Variants in MAP3K10 observed in about 807,000 individuals in gnomAD.
The protein encoded by MAP3K10 is mitogen-activated protein kinase kinase kinase 10, also known as MKN28 derived nonreceptor_type serine/threonine kinase.
A neutral mutation model predicts 75.0 loss-of-function variants in MAP3K10; 22 were observed. The observed-to-expected ratio is 0.29, with a 90% confidence interval of 0.21 to 0.42. MAP3K10 has a LOEUF of 0.42. MAP3K10 is among the 10% of genes least tolerant of loss of function. The pLI, the probability that MAP3K10 is intolerant of heterozygous loss-of-function variation, is 1.00. For missense variants in MAP3K10, 1,165 were observed against 1,379.8 expected, an observed-to-expected ratio of 0.84 and a Z score of 2.47; for synonymous variants, 599 against 612.9, an observed-to-expected ratio of 0.98 and a Z score of 0.34.
At position 40,191,886 on chromosome 19, in the gene MAP3K10, C is replaced by T. The variant is rs1167432137; in HGVS notation, c.-146C>T. 3 of 273,552 alleles carry T rather than the reference C, an allele frequency of 1.1e-5. No individual in the cohort carries two copies. The highest frequency in any genetic ancestry group is 7.2e-5 in the African/African-American group (3 of 41,734). 16.9% of individuals were successfully genotyped at this position (273,552 alleles called of 1,614,324 possible). On this transcript the variant is annotated 5_prime_UTR_variant, in exon 1 of 10. Transcript: ENST00000253055. ...CTTTGAAAGGGTTTTTTTTCTTGCTCCTGCGGAGGGCGCCCCAGCCATGGC... is the reference window on the plus strand; with the variant it reads ...CTTTGAAAGGGTTTTTTTTCTTGCTTCTGCGGAGGGCGCCCCAGCCATGGC...
rs1041535319 is a variant in MAP3K10, at chr19:40,198,182, G to A, written c.683-193G>A. Among the ~76,000 whole-genome samples the A allele has an allele frequency of 2.0e-5, 3 of 152,166 alleles. No homozygotes were observed. The highest frequency in any genetic ancestry group is 4.4e-5 in the Non-Finnish European group (3 of 68,038). Reference sequence around the variant, plus strand: ...GGAGGAGCTCCCTACTCCCTCATGGGAGCCTGGGACAGGGATTAGACCTGG... The same window carrying A: ...GGAGGAGCTCCCTACTCCCTCATGGAAGCCTGGGACAGGGATTAGACCTGG... On this transcript the variant is annotated intron_variant, in intron 1 of 9. Transcript: ENST00000253055. The surrounding 1 kb of genome is among the most constrained non-coding windows in gnomAD (Gnocchi z 4.3).
chr19:40,198,601 G>C lies in MAP3K10; in HGVS notation c.863+46G>C. 2 of 1,557,758 alleles carry C rather than the reference G, an allele frequency of 1.3e-6. No individual in the cohort carries two copies. Among genetic ancestry groups the C allele is most frequent in the Non-Finnish European group, 1.7e-6 (2 of 1,143,956 alleles). ...GATGGCCTCTGGGGAGTAAGGGAGG[G>C]AGGAAGGGGTGAGGGCAGAGTGGGA... On this transcript the variant is annotated intron_variant, in intron 2 of 9. Coordinates refer to ENST00000253055, the MANE Select transcript of MAP3K10 (RefSeq NM_002446.4). This position sits in a 1 kb window ranked among gnomAD's most constrained non-coding sequence, Gnocchi z 4.3.
Position 40,214,109 on chromosome 19 carries a change from C to T in MAP3K10, c.2430C>T (p.Leu810=), listed in dbSNP as rs755772789. Residue 810 remains leucine (L), a synonymous_variant, in exon 9 of 10, where the codon CTC becomes CTT. Coordinates refer to ENST00000253055, the MANE Select transcript of MAP3K10 (RefSeq NM_002446.4). ...ESFKKDPRQS[L]TPTHVTAACA... ...TCAAGAAGGACCCCCGCCAGTCGCT[C>T]ACGCCCACCCACGTCACGGCTGCAT... 13 of 1,565,710 alleles carry T rather than the reference C, an allele frequency of 8.3e-6. No homozygotes were observed. The highest frequency in any genetic ancestry group is 1.0e-5 in the Non-Finnish European group (12 of 1,164,384).
At position 40,192,418 on chromosome 19, in the gene MAP3K10, G is replaced by C; in HGVS notation, c.387G>C (p.Leu129=). Residue 129 remains leucine, a synonymous_variant, in exon 1 of 10, where the codon CTG becomes CTC. Transcript: ENST00000253055. The surrounding 1 kb of genome is among the most constrained non-coding windows in gnomAD (Gnocchi z 7.1). ...GEEVAVKAAR[L]DPEKDPAVTA... The stretch of plus-strand genomic sequence containing the variant: ...AGGTGGCAGTCAAGGCCGCCCGGCT[G>C]GACCCTGAGAAGGACCCGGCAGTGA... 5.6e-6 allele frequency: 9 copies of C among 1,614,022 alleles called. 1 individual carries two copies. Among genetic ancestry groups the C allele is most frequent in the Non-Finnish European group, 7.6e-6 (9 of 1,179,970 alleles).
chr19:40,197,971 G>A (rs1972941687), intron 1 of MAP3K10, among the ~76,000 whole-genome samples: 2 of 152,128 alleles, frequency 1.3e-5, no homozygotes, highest in South Asian at 2.1e-4. Context: ...GGCTGGGACT[G>A]TAGGCATGCA....
intron 1 of MAP3K10, among the ~76,000 whole-genome samples, chr19:40,196,525 A>T (rs893652173): frequency 9.2e-5 from 14 of 152,112 alleles, no homozygotes; most frequent in East Asian, 1.9e-4. Flanking sequence ...TTATTTATTT[A>T]TTTATTTCAT....
chr19:40,198,925 G>A lies in MAP3K10; in HGVS notation c.863+370G>A, dbSNP rs1246269871. Among the ~76,000 whole-genome samples the A allele has an allele frequency of 1.3e-5, 2 of 152,174 alleles. No homozygotes were observed. The highest frequency in any genetic ancestry group is 4.8e-5 in the African/African-American group (2 of 41,446). On this transcript the variant is annotated intron_variant, in intron 2 of 9. Transcript: ENST00000253055. This position sits in a 1 kb window ranked among gnomAD's most constrained non-coding sequence, Gnocchi z 4.3. ...TCTACTAAAAATACTAAAATTACCTGGGCGTGGTGGCAGATGCCTGTTGTC... is the reference window on the plus strand; with the variant it reads ...TCTACTAAAAATACTAAAATTACCTAGGCGTGGTGGCAGATGCCTGTTGTC...
chr19:40,215,115 G>A lies in MAP3K10; in HGVS notation c.2688G>A (p.Leu896=). Residue 896 remains leucine (L), a synonymous_variant, in exon 10 of 10, where the codon TTG becomes TTA. Coordinates refer to ENST00000253055, the MANE Select transcript of MAP3K10 (RefSeq NM_002446.4). Reference sequence around the variant, plus strand: ...GGCCGGCTGCCAGTCGCCCCCGCTTGGACCCCTGGAAACTGGTCTCCTTCG... The same window carrying A: ...GGCCGGCTGCCAGTCGCCCCCGCTTAGACCCCTGGAAACTGGTCTCCTTCG... The part of the protein sequence containing the change: ...RPRPAASRPR[L]DPWKLVSFGR... 2 of 1,610,406 alleles carry A rather than the reference G, an allele frequency of 1.2e-6. No homozygotes were observed. The highest frequency in any genetic ancestry group is 1.7e-6 in the Non-Finnish European group (2 of 1,178,958).
Position 40,213,358 on chromosome 19 carries a change from C to A in MAP3K10, c.1838-159C>A. On this transcript the variant is annotated intron_variant, in intron 8 of 9. Transcript: ENST00000253055. The surrounding 1 kb of genome is among the most constrained non-coding windows in gnomAD (Gnocchi z 5.7). ...GGGGGTCATTTCCAGGGGCAGGGAC[C>A]ACCCTTCTCTGAGGCTTCTCCTGGA... 1 of 1,456,620 alleles carries A rather than the reference C, an allele frequency of 6.9e-7. No individual in the cohort carries two copies. The highest frequency in any genetic ancestry group is 1.4e-5 in the South Asian group (1 of 70,408). The allele number at this position is 1,456,620 out of a possible 1,614,324, so 90.2% of individuals were successfully genotyped here.
In MAP3K10 at chr19:40,214,002, T is replaced by TGCCCCCCCCCCCCCCCCCC; in HGVS notation, c.2323_2324insGCCCCCCCCCCCCCCCCCC (p.Ser775CysfsTer83). On this transcript the variant is annotated frameshift_variant, in exon 9 of 10. Transcript: ENST00000253055. LOFTEE classifies it high-confidence loss of function. The stretch of plus-strand genomic sequence containing the variant: ...TGACGAGGCCGCACCGGCCGCGCCC[T>TGCCCCCCCCCCCCCCCCCC]CCCCACCACCCTCCCCGCCCGCGCC... 8.7e-6 allele frequency: 13 copies of TGCCCCCCCCCCCCCCCCCC among 1,493,662 alleles called. No individual in the cohort carries two copies. The highest frequency in any genetic ancestry group is 1.8e-4 in the Middle Eastern group (1 of 5,598). 92.5% of individuals were successfully genotyped at this position (1,493,662 alleles called of 1,614,324 possible).
rs1320425578 is a variant in MAP3K10 at position 40,205,488 on chromosome 19, T to G, written c.1188+192T>G. 1 of 602,712 alleles carries G rather than the reference T, an allele frequency of 1.7e-6. No individual in the cohort carries two copies. The highest frequency in any genetic ancestry group is 2.9e-6 in the Non-Finnish European group (1 of 343,760). 37.3% of individuals were successfully genotyped at this position (602,712 alleles called of 1,614,324 possible). ...AAGAAAAAGGCACCCTGTACTGAAG[T>G]ACTTACAGGTGACACTGCATGATGT... On this transcript the variant is annotated intron_variant, in intron 4 of 9. Coordinates refer to ENST00000253055, the MANE Select transcript of MAP3K10 (RefSeq NM_002446.4). This position sits in a 1 kb window ranked among gnomAD's most constrained non-coding sequence, Gnocchi z 4.3.
Position 40,205,633 on chromosome 19 carries a change from G to C in MAP3K10, c.1189-278G>C. 1.9e-6 allele frequency: 1 copy of C among 527,398 alleles called. No homozygotes were observed. Among genetic ancestry groups the C allele is most frequent in the Non-Finnish European group, 3.3e-6 (1 of 299,856 alleles). The allele number at this position is 527,398 out of a possible 1,614,324, so 32.7% of individuals were successfully genotyped here. The stretch of plus-strand genomic sequence containing the variant: ...TGAAATTGGATGATGGGTACAGGGG[G>C]GTGCACTGTTCTCTGCTTTTGTGGA... On this transcript the variant is annotated intron_variant, in intron 4 of 9. Transcript: ENST00000253055. This position sits in a 1 kb window ranked among gnomAD's most constrained non-coding sequence, Gnocchi z 4.3.
chr19:40,214,324 C>CACAAGAAGCAGGAGG, intron 9 of MAP3K10, 103 bp downstream of exon 9: 1 of 1,278,650 alleles, frequency 7.8e-7, no homozygotes, highest in African/African-American at 1.6e-5. Flanking sequence ...CAGCCACCTC[C>CACAAGAAGCAGGAGG]TGCTTCTTGT....
In MAP3K10 at chr19:40,192,706, C is replaced by G; in HGVS notation, c.675C>G (p.Ser225=). 6.5e-7 allele frequency: 1 copy of G among 1,540,268 alleles called. No individual in the cohort carries two copies. Among genetic ancestry groups the G allele is most frequent in the Non-Finnish European group, 8.8e-7 (1 of 1,142,426 alleles). The change falls in exon 1 of 10, where the codon TCC becomes TCG. Residue 225 remains serine (S), a synonymous_variant. Transcript: ENST00000253055. The surrounding 1 kb of genome is among the most constrained non-coding windows in gnomAD (Gnocchi z 7.1). The stretch of plus-strand genomic sequence containing the variant: ...CCATCATCCACCGGGACCTCAAGTC[C>G]ATCAACAGTAAGTGGTGTCCTCTCC... The part of the protein sequence containing the change: ...PVPIIHRDLK[S]INILILEAIE...
At position 40,192,856 on chromosome 19, in the gene MAP3K10, GT is replaced by G. The variant is rs1972845127; in HGVS notation, c.682+144del. 7 of 691,970 alleles carry G rather than the reference GT, an allele frequency of 1.0e-5. 1 individual carries two copies. In the South Asian group the frequency reaches 1.6e-4, roughly 16 times the overall value. The allele number at this position is 691,970 out of a possible 1,614,324, so 42.9% of individuals were successfully genotyped here. A position where few individuals can be genotyped will look rare whatever the true frequency, so the allele number is the denominator to read the frequency against. ...GCAGTATGATACCTTCAGGGTGAAG[GT>G]GAGGTAGGCCTTGCCTGCCTTAAGG... On this transcript the variant is annotated intron_variant, in intron 1 of 9. Coordinates refer to ENST00000253055, the MANE Select transcript of MAP3K10 (RefSeq NM_002446.4). This position sits in a 1 kb window ranked among gnomAD's most constrained non-coding sequence, Gnocchi z 7.1.
intron 2 of MAP3K10, among the ~76,000 whole-genome samples, chr19:40,202,305 G>A (rs1210498962): frequency 6.6e-6 from 1 of 152,204 alleles, no homozygotes; most frequent in South Asian, 2.1e-4. Flanking sequence ...CTCCCAAAGT[G>A]CTGGGATTAC....
intron 2 of MAP3K10, among the ~76,000 whole-genome samples, chr19:40,203,385 A>T (rs1973060303): frequency 6.6e-6 from 1 of 151,976 alleles, no homozygotes; most frequent in Non-Finnish European, 1.5e-5. Flanking sequence ...TAGTGGGGAG[A>T]CCAGGGATCT....
At chr19:40,210,866 C>T (rs1479228672) in intron 6 of MAP3K10, among the ~76,000 whole-genome samples, 2 of 152,202 alleles carry the variant, frequency 1.3e-5, no homozygotes, top group Non-Finnish European at 2.9e-5. Flanking sequence ...TCTGGGCCCT[C>T]AGTGGATTGG....
chr19:40,193,699 C>T (rs1006714213), intron 1 of MAP3K10, among the ~76,000 whole-genome samples: 1 of 152,184 alleles, frequency 6.6e-6, no homozygotes, highest in Non-Finnish European at 1.5e-5. Context: ...ACATTCCTGG[C>T]TCTCCCATTC....
Sources: gnomAD v4.1 joint callset for allele counts (sites outside exome capture counted in the v4.1 genomes callset) on GRCh38, gnomAD v4.1.1 for gene constraint, Gnocchi (gnomAD v3.1) non-coding constraint, MANE v1.5 for transcripts, NCBI Gene and HGNC (gene_info 2026-07-23, HGNC 2026-07-21) for gene names.